Variants in C1orf94 observed in about 807,000 individuals in gnomAD.
The protein encoded by C1orf94 is chromosome 1 open reading frame 94.
In C1orf94, 45 loss-of-function variants were observed where a neutral mutation model predicts 53.6. The ratio of observed to expected loss-of-function variants is 0.84; its 90% confidence interval spans 0.66 to 1.08. The LOEUF is 1.08. Among genes scored for constraint, C1orf94 ranks in the 50% least tolerant of loss-of-function variants. The pLI, the probability that C1orf94 is intolerant of heterozygous loss-of-function variation, is 0.00. For synonymous variants in C1orf94, 304 were observed against 296.1 expected, an observed-to-expected ratio of 1.03 and a Z score of -0.27; for missense variants, 762 against 738.9, an observed-to-expected ratio of 1.03 and a Z score of -0.36.
At chr1:34,173,855 AG>A (rs1642183426), upstream of C1orf94, among the ~76,000 whole-genome samples, 1 of 152,244 alleles carries the variant, frequency 6.6e-6, no homozygotes, top group Non-Finnish European at 1.5e-5. Flanking sequence ...ACTCTAAAAA[AG>A]ACAGAGACCA....
chr1:34,210,953 C>A (rs1642879163), intron 5 of C1orf94, among the ~76,000 whole-genome samples: 2 of 151,906 alleles, frequency 1.3e-5, no homozygotes, highest in South Asian at 2.1e-4. Context: ...CACCCAGCCC[C>A]CTTTGTGGAT....
At chr1:34,212,678 C>CCTACT (rs910349319) in intron 6 of C1orf94, among the ~76,000 whole-genome samples, 1 of 152,154 alleles carries the variant, frequency 6.6e-6, no homozygotes, top group African/African-American at 2.4e-5. Flanking sequence ...TATGGATACC[C>CCTACT]CTACTCCATA....
intron 6 of C1orf94, among the ~76,000 whole-genome samples, chr1:34,213,476 G>A (rs1408627385): frequency 6.6e-6 from 1 of 152,130 alleles, no homozygotes; most frequent in Non-Finnish European, 1.5e-5. Context: ...CACGGAGAAT[G>A]TTCAAGAAGG....
At chr1:34,212,765 T>G (rs1260387821) in intron 6 of C1orf94, among the ~76,000 whole-genome samples, 1 of 152,116 alleles carries the variant, frequency 6.6e-6, no homozygotes, top group Admixed American at 6.5e-5. Context: ...CCAGCTAATC[T>G]CCTTAGAGCT....
At chr1:34,183,750 G>A (rs1642344383) in intron 1 of C1orf94, among the ~76,000 whole-genome samples, 1 of 152,044 alleles carries the variant, frequency 6.6e-6, no homozygotes, top group South Asian at 2.1e-4. Flanking sequence ...CAGCTACTCA[G>A]GAGGCTGAGG....
chr1:34,196,048 G>A (rs1221327135), intron 1 of C1orf94, among the ~76,000 whole-genome samples: 1 of 152,206 alleles, frequency 6.6e-6, no homozygotes, highest in Non-Finnish European at 1.5e-5. Context: ...AGAAGGCTGA[G>A]TAGTTTCCAG....
chr1:34,184,264 A>G (rs1177648424), intron 1 of C1orf94, among the ~76,000 whole-genome samples: 3 of 152,224 alleles, frequency 2.0e-5, no homozygotes, highest in African/African-American at 7.2e-5. Flanking sequence ...GAGAAAGAAC[A>G]GCCTATGGAA....
chr1:34,179,637 T>A (rs1275027614), intron 1 of C1orf94, among the ~76,000 whole-genome samples: 1 of 152,212 alleles, frequency 6.6e-6, no homozygotes, highest in East Asian at 1.9e-4. Context: ...ACCTCAGAGT[T>A]GATAATGAGG....
Position 34,212,234 on chromosome 1 carries a change from A to G in C1orf94, c.1549A>G (p.Met517Val), listed in dbSNP as rs747481738. 1.1e-5 allele frequency: 18 copies of G among 1,612,320 alleles called. No individual in the cohort carries two copies. The highest frequency in any genetic ancestry group is 1.7e-5 in the Admixed American group (1 of 59,864). ...QQVMPYNPQQMGQQIFRSSYT... is the reference protein window; with the variant it reads ...QQVMPYNPQQVGQQIFRSSYT... ...GGTGATGCCATACAACCCACAGCAGATGGGACAGCAGATCTTCCGCTCTTC... is the reference window on the plus strand; with the variant it reads ...GGTGATGCCATACAACCCACAGCAGGTGGGACAGCAGATCTTCCGCTCTTC... Residue 517 changes from methionine to valine, a missense_variant, in exon 6 of 7, where the codon ATG (methionine) becomes GTG (valine). Met to Val is a conservative substitution (Grantham distance 21, BLOSUM62 1). Transcript: ENST00000488417.
At chr1:34,206,242 T>A (rs571725181) in intron 4 of C1orf94, among the ~76,000 whole-genome samples, 2 of 152,246 alleles carry the variant, frequency 1.3e-5, no homozygotes, top group East Asian at 3.9e-4. Context: ...CCCTCTGCTG[T>A]CCCTACTGTA....
chr1:34,201,426 C>G (rs139400496), intron 3 of C1orf94, among the ~76,000 whole-genome samples: 53 of 152,224 alleles, frequency 3.5e-4, no homozygotes, highest in African/African-American at 1.1e-3. Context: ...CAAAAGGATG[C>G]CAATAAGGGG....
chr1:34,208,508 T>C (rs1433414772), intron 5 of C1orf94, among the ~76,000 whole-genome samples: 2 of 152,196 alleles, frequency 1.3e-5, no homozygotes, highest in African/African-American at 4.8e-5. Context: ...AAAATTACCC[T>C]GTGAGGTAGG....
Position 34,177,554 on chromosome 1 carries a change from T to C in C1orf94, c.-236T>C. ...ATTCCACTGTTCCTAAGCTACTGGT[T>C]TTTGTTGACTTTTAAATATTTTCTT... On this transcript the variant is annotated 5_prime_UTR_variant, in exon 1 of 7. Coordinates refer to ENST00000488417, the MANE Select transcript of C1orf94 (RefSeq NM_001134734.2). 2.0e-6 allele frequency: 1 copy of C among 489,614 alleles called. No individual in the cohort carries two copies. The allele number at this position is 489,614 out of a possible 1,614,324, so 30.3% of individuals were successfully genotyped here. A position where few individuals can be genotyped will look rare whatever the true frequency, so the allele number is the denominator to read the frequency against.
intron 5 of C1orf94, among the ~76,000 whole-genome samples, chr1:34,209,584 T>A (rs1483471877): frequency 6.6e-6 from 1 of 152,060 alleles, no homozygotes; most frequent in Non-Finnish European, 1.5e-5. Flanking sequence ...GCCTCTCCTG[T>A]CTCCCCAGGG....
At chr1:34,218,220 G>C (rs1571354249) in intron 6 of C1orf94, among the ~76,000 whole-genome samples, 1 of 152,308 alleles carries the variant, frequency 6.6e-6, no homozygotes, top group East Asian at 1.9e-4. Context: ...AGTGCTGGAA[G>C]GGGAGGAGGG....
At chr1:34,211,035 C>A (rs1291891126) in intron 5 of C1orf94, among the ~76,000 whole-genome samples, 4 of 151,894 alleles carry the variant, frequency 2.6e-5, no homozygotes, top group Admixed American at 1.3e-4. Flanking sequence ...GCACTTGGAC[C>A]CCAGACTTGC....
rs1417080201 is a variant in C1orf94 at position 34,188,782 on chromosome 1, C to G, written c.321-8443C>G. The stretch of plus-strand genomic sequence containing the variant: ...CTTTCTCCAGCCCTAAGCTTAGTCC[C>G]CTGACTCCTATCAGGAAAGTCCCAG... On this transcript the variant is annotated intron_variant, in intron 1 of 6. Coordinates refer to ENST00000488417, the MANE Select transcript of C1orf94 (RefSeq NM_001134734.2). Among the ~76,000 whole-genome samples, 3 of 152,250 alleles carry G rather than the reference C, an allele frequency of 2.0e-5. No homozygotes were observed. The East Asian group carries it at 5.8e-4, about 29-fold the overall frequency.
At position 34,197,290 on chromosome 1, in the gene C1orf94, T is replaced by G. The variant is rs777818629; in HGVS notation, c.386T>G (p.Leu129Arg). The G allele has an allele frequency of 5.2e-6, 8 of 1,553,148 alleles. No homozygotes were observed. Among genetic ancestry groups the G allele is most frequent in the African/African-American group, 1.4e-5 (1 of 73,050 alleles). Residue 129 changes from leucine (L) to arginine (R), a missense_variant, in exon 2 of 7, where the codon CTC (leucine) becomes CGC (arginine). Leu to Arg is a moderately radical substitution (Grantham distance 102). Transcript: ENST00000488417. This position sits in a 1 kb window ranked among gnomAD's most constrained non-coding sequence, Gnocchi z 4.1. Reference sequence around the variant, plus strand: ...TTGGTGGAACAGGAGTTCCTAAGCCTCACCAAAGAGCACTCGATCCTGGTC... The same window carrying G: ...TTGGTGGAACAGGAGTTCCTAAGCCGCACCAAAGAGCACTCGATCCTGGTC... ...SLLVEQEFLS[L>R]TKEHSILVEE...
rs371920776 is a variant in C1orf94, at chr1:34,197,480, C to A, written c.576C>A (p.Pro192=). The part of the protein sequence containing the change: ...DKLLKQKVAM[P]VISSRQDCDS... ...TTCTGAAGCAGAAGGTGGCCATGCC[C>A]GTTATCAGCAGCAGGCAGGACTGTG... Residue 192 remains proline (P), a synonymous_variant, in exon 2 of 7, where the codon CCC becomes CCA. Coordinates refer to ENST00000488417, the MANE Select transcript of C1orf94 (RefSeq NM_001134734.2). This position sits in a 1 kb window ranked among gnomAD's most constrained non-coding sequence, Gnocchi z 4.1. 6.2e-7 allele frequency: 1 copy of A among 1,613,966 alleles called. No individual in the cohort carries two copies. The highest frequency in any genetic ancestry group is 1.3e-5 in the African/African-American group (1 of 74,920).
Sources: allele counts gnomAD v4.1 joint callset (sites outside exome capture counted in the v4.1 genomes callset), GRCh38; gene constraint gnomAD v4.1.1; non-coding constraint Gnocchi (gnomAD v3.1); transcripts MANE v1.5; gene names NCBI Gene and HGNC (gene_info 2026-07-23, HGNC 2026-07-21).